Variants in BMP2K observed in about 807,000 individuals in gnomAD.
The protein encoded by BMP2K is BMP-2-inducible protein kinase.
A neutral mutation model predicts 116.0 loss-of-function variants in BMP2K; 74 were observed. The observed-to-expected ratio is 0.64, with a 90% confidence interval of 0.53 to 0.77. The LOEUF is 0.77. BMP2K is among the 30% of genes least tolerant of loss of function. The pLI is 0.00. For missense variants in BMP2K, 1,365 were observed against 1,403.6 expected (o/e 0.97, Z 0.44); for synonymous variants, 486 against 502.5 (o/e 0.97, Z 0.44).
At chr4:78,804,955 C>T (rs1267766429) in intron 1 of BMP2K, among the ~76,000 whole-genome samples, 2 of 151,978 alleles carry the variant, frequency 1.3e-5, no homozygotes, top group African/African-American at 4.8e-5. Context: ...GTTGCATATG[C>T]TTTTGATATG....
At chr4:78,892,411 G>A (rs1733486959) in intron 15 of BMP2K, among the ~76,000 whole-genome samples, 1 of 152,060 alleles carries the variant, frequency 6.6e-6, no homozygotes, top group Non-Finnish European at 1.5e-5. Context: ...TTGAAAATGT[G>A]GAGGATCTAT....
chr4:78,829,782 T>TCTCTTCTCTTCTCTTCTC (rs1560518659), intron 2 of BMP2K, among the ~76,000 whole-genome samples: 20 of 64,630 alleles, frequency 3.1e-4, no homozygotes, highest in African/African-American at 1.3e-3. Context: ...TTTCTTTTCT[T>TCTCTTCTCTTCTCTTCTC]TTCTTTTCTC....
intron 9 of BMP2K, among the ~76,000 whole-genome samples, chr4:78,861,840 C>T (rs1354723680): frequency 6.6e-6 from 1 of 151,458 alleles, no homozygotes; most frequent in African/African-American, 2.4e-5. Flanking sequence ...AAAAATAGCT[C>T]CTACAGGTAA....
intron 6 of BMP2K, among the ~76,000 whole-genome samples, chr4:78,850,461 T>C (rs1731192189): frequency 6.6e-6 from 1 of 151,914 alleles, no homozygotes; most frequent in Admixed American, 6.6e-5. Flanking sequence ...ACCTGGTAAA[T>C]AGTAAGAATT....
intron 1 of BMP2K, among the ~76,000 whole-genome samples, chr4:78,786,449 GTGTT>G (rs2109924872): frequency 7.1e-6 from 1 of 141,070 alleles, no homozygotes; most frequent in East Asian, 2.0e-4. Context: ...GTGTGTGTGT[GTGTT>G]TTGAGACACG....
chr4:78,787,014 A>C (rs989317568), intron 1 of BMP2K, among the ~76,000 whole-genome samples: 1 of 152,094 alleles, frequency 6.6e-6, no homozygotes, highest in Non-Finnish European at 1.5e-5. Flanking sequence ...TTGGCCTCCC[A>C]AAGTGCTGGG....
Position 78,914,722 on chromosome 4 carries a change from A to G in BMP2K, c.*2689A>G, listed in dbSNP as rs1734897820. 7.8e-6 allele frequency: 1 copy of G among 128,814 alleles called. No individual in the cohort carries two copies. The highest frequency in any genetic ancestry group is 2.6e-4 in the South Asian group (1 of 3,804). 8.0% of individuals were successfully genotyped at this position (128,814 alleles called of 1,614,324 possible). A position where few individuals can be genotyped will look rare whatever the true frequency, so the allele number is the denominator to read the frequency against. ...ATTATATATGTACCACTAAGCAAAT[A>G]TATATATATATATATATTTGGGGTT... On this transcript the variant is annotated 3_prime_UTR_variant, in exon 16 of 16. Coordinates refer to ENST00000502613, the MANE Select transcript of BMP2K (RefSeq NM_198892.2).
intron 1 of BMP2K, among the ~76,000 whole-genome samples, chr4:78,805,344 G>A (rs1392725311): frequency 6.6e-6 from 1 of 152,146 alleles, no homozygotes. Context: ...ACTGGGAAGT[G>A]TGAGTCCTCT....
intron 1 of BMP2K, among the ~76,000 whole-genome samples, chr4:78,806,943 G>C (rs1022357812): frequency 2.0e-5 from 3 of 151,702 alleles, no homozygotes; most frequent in African/African-American, 7.3e-5. Context: ...CCACCTCCCA[G>C]GTTCAAGCAA....
At chr4:78,864,106 C>A (rs1301135246) in intron 9 of BMP2K, among the ~76,000 whole-genome samples, 1 of 152,036 alleles carries the variant, frequency 6.6e-6, no homozygotes, top group Non-Finnish European at 1.5e-5. Flanking sequence ...TCAGAGTGAA[C>A]AAAGTATACA....
chr4:78,875,879 C>A (rs1186321376), intron 13 of BMP2K, among the ~76,000 whole-genome samples: 1 of 152,138 alleles, frequency 6.6e-6, no homozygotes, highest in Non-Finnish European at 1.5e-5. Flanking sequence ...AATAAGTGAT[C>A]CAAGAGACAG....
At chr4:78,825,132 A>C (rs995213231) in intron 1 of BMP2K, among the ~76,000 whole-genome samples, 12 of 152,190 alleles carry the variant, frequency 7.9e-5, no homozygotes, top group Admixed American at 7.2e-4. Flanking sequence ...TGAACCTGGG[A>C]GGCGGAGGTT....
At position 78,835,363 on chromosome 4, in the gene BMP2K, C is replaced by T. The variant is rs61390725; in HGVS notation, c.403+1676C>T. 5.6e-3 allele frequency among the ~76,000 whole-genome samples: 855 copies of T among 152,064 alleles called. 11 individuals carry two copies. Among genetic ancestry groups the T allele is most frequent in the African/African-American group, 0.019 (806 of 41,496 alleles). ...ATAGTTGGCCTGGTGCGGTGGCTCA[C>T]GCCTGTAATCTCAGCACTTTGGAAG... On this transcript the variant is annotated intron_variant, in intron 3 of 15. Transcript: ENST00000502613.
rs2110115242 is a variant in BMP2K at position 78,913,649 on chromosome 4, A to G, written c.*1616A>G. On this transcript the variant is annotated 3_prime_UTR_variant, in exon 16 of 16. Coordinates refer to ENST00000502613, the MANE Select transcript of BMP2K (RefSeq NM_198892.2). ...ATTAGGAATCTCTTATAGTGCCCCA[A>G]TGGGATAAGCTATTTGCCTATTTTC... 1 of 152,290 alleles carries G rather than the reference A, an allele frequency of 6.6e-6. No individual in the cohort carries two copies. The highest frequency in any genetic ancestry group is 1.5e-5 in the Non-Finnish European group (1 of 67,986). 9.4% of individuals were successfully genotyped at this position (152,290 alleles called of 1,614,324 possible).
chr4:78,786,405 A>ATATGTGTGTGTG (rs1727730638), intron 1 of BMP2K, among the ~76,000 whole-genome samples: 1 of 134,292 alleles, frequency 7.4e-6, no homozygotes, highest in African/African-American at 2.8e-5. Context: ...AAGCCACCCA[A>ATATGTGTGTGTG]TGTGTGTGTG....
At chr4:78,885,478 A>C (rs1202371445) in intron 14 of BMP2K, among the ~76,000 whole-genome samples, 1 of 152,180 alleles carries the variant, frequency 6.6e-6, no homozygotes, top group Non-Finnish European at 1.5e-5. Context: ...ACTGAAATGT[A>C]CATTAAATGT....
At chr4:78,881,280 A>C (rs1021484244) in intron 14 of BMP2K, among the ~76,000 whole-genome samples, 1 of 152,232 alleles carries the variant, frequency 6.6e-6, no homozygotes. Context: ...CAGCATTTAA[A>C]AATTATATTT....
intron 2 of BMP2K, among the ~76,000 whole-genome samples, chr4:78,833,271 A>G (rs1297819596): frequency 2.0e-5 from 3 of 152,138 alleles, no homozygotes; most frequent in African/African-American, 4.8e-5. Context: ...AACAAATGTA[A>G]TAAAAGTTCT....
chr4:78,862,128 A>G (rs1466902747), intron 9 of BMP2K, among the ~76,000 whole-genome samples: 1 of 152,012 alleles, frequency 6.6e-6, no homozygotes, highest in Non-Finnish European at 1.5e-5. Context: ...GGTCACAGCA[A>G]TTTTGTATTG....
Sources: gnomAD v4.1 joint callset for allele counts (sites outside exome capture counted in the v4.1 genomes callset) on GRCh38, gnomAD v4.1.1 for gene constraint, MANE v1.5 for transcripts, NCBI Gene and HGNC (gene_info 2026-07-23, HGNC 2026-07-21) for gene names.